The following LYN variants were observed in gnomAD, a reference collection of about 807,000 sequenced individuals.
LYN encodes the protein LYN proto-oncogene, Src family tyrosine kinase, also known as tyrosine-protein kinase Lyn.
In LYN, 12 loss-of-function variants were observed where a neutral mutation model predicts 65.0. The observed-to-expected ratio is 0.18, with a 90% CI of 0.12 to 0.30. LYN has a LOEUF of 0.30. Among genes scored for constraint, LYN ranks in the 10% least tolerant of loss-of-function variants. The pLI is 1.00. For missense variants in LYN, 380 were observed against 623.2 expected (o/e 0.61, Z 4.16); for synonymous variants, 222 against 221.2 (o/e 1.00, Z -0.03).
chr8:55,965,988 G>A (rs1807444371), intron 8 of LYN, among the ~76,000 whole-genome samples: 1 of 152,082 alleles, frequency 6.6e-6, no homozygotes, highest in Non-Finnish European at 1.5e-5. Flanking sequence ...AGCCAGGTGT[G>A]GTGGTGGGCA....
In LYN at chr8:56,013,568, G is replaced by C. The variant is rs1217470458; in HGVS notation, c.*3458G>C. The C allele has an allele frequency of 6.6e-6, 1 of 152,250 alleles. No individual in the cohort carries two copies. The highest frequency in any genetic ancestry group is 1.5e-5 in the Non-Finnish European group (1 of 68,114). The allele number at this position is 152,250 out of a possible 1,614,324, so 9.4% of individuals were successfully genotyped here. A position where few individuals can be genotyped will look rare whatever the true frequency, so the allele number is the denominator to read the frequency against. ...TTACAAGTGTGAGCCACTGTGCCCG[G>C]TCGGGGTCTGCTTTCTCTTTATTCC... On this transcript the variant is annotated 3_prime_UTR_variant, in exon 13 of 13. Transcript: ENST00000519728.
intron 1 of LYN, among the ~76,000 whole-genome samples, chr8:55,891,312 A>G (rs2130362663): frequency 6.6e-6 from 1 of 151,744 alleles, no homozygotes; most frequent in East Asian, 2.0e-4. Context: ...AGATCCCGCG[A>G]CTGCACTCCA....
intron 1 of LYN, among the ~76,000 whole-genome samples, chr8:55,893,398 G>A (rs1805008399): frequency 6.6e-6 from 1 of 152,202 alleles, no homozygotes. Context: ...TCTGTGCATA[G>A]GCATTTGAAA....
intron 12 of LYN, among the ~76,000 whole-genome samples, chr8:56,003,071 T>C (rs1318907033): frequency 6.6e-6 from 1 of 151,668 alleles, no homozygotes; most frequent in Admixed American, 6.6e-5. Context: ...TGTTTTTTTT[T>C]TTTTTTGAGA....
intron 1 of LYN, among the ~76,000 whole-genome samples, chr8:55,886,104 G>A (rs1034382750): frequency 2.0e-5 from 3 of 152,094 alleles, no homozygotes; most frequent in African/African-American, 7.2e-5. Flanking sequence ...TGAAACTCTT[G>A]GGTAGACGTT....
At chr8:55,925,341 T>G (rs932187921) in intron 1 of LYN, among the ~76,000 whole-genome samples, 1 of 152,112 alleles carries the variant, frequency 6.6e-6, no homozygotes, top group African/African-American at 2.4e-5. Flanking sequence ...CCCAGGCTGG[T>G]CTCGTACTCC....
chr8:55,966,860 G>T lies in LYN; in HGVS notation c.936G>T (p.Glu312Asp). The T allele has an allele frequency of 6.2e-7, 1 of 1,614,042 alleles. No homozygotes were observed. The highest frequency in any genetic ancestry group is 8.5e-7 in the Non-Finnish European group (1 of 1,179,984). The stretch of plus-strand genomic sequence containing the variant: ...GGCTCTACGCTGTGGTCACCAGGGA[G>T]GAGCCCATTTACATCATCACCGAGT... Reference protein sequence around the residue: ...LVRLYAVVTREEPIYIITEYM... With the variant: ...LVRLYAVVTRDEPIYIITEYM... Residue 312 changes from glutamate (E) to aspartate (D), a missense_variant, in exon 9 of 13, where the codon GAG becomes GAT. By Grantham distance (45) the Glu-to-Asp change is conservative. This residue lies in a region of LYN where 223 missense variants were observed against 430.0 expected (regional missense o/e 0.52). Transcript: ENST00000519728.
At chr8:55,890,776 A>G (rs11993738) in intron 1 of LYN, among the ~76,000 whole-genome samples, 58,329 of 149,648 alleles carry the variant, frequency 0.39, 12,023 homozygotes, top group East Asian at 0.67. Flanking sequence ...CACCCGGGCT[A>G]GAGTGTGGTG....
intron 10 of LYN, among the ~76,000 whole-genome samples, chr8:55,987,764 G>GAGTC (rs1808121935): frequency 6.6e-6 from 1 of 152,152 alleles, no homozygotes; most frequent in African/African-American, 2.4e-5. Context: ...GAATGCTTAA[G>GAGTC]AGCACAGACT....
chr8:56,005,237 C>T (rs1563331682), intron 12 of LYN, among the ~76,000 whole-genome samples: 2 of 152,164 alleles, frequency 1.3e-5, no homozygotes, highest in Non-Finnish European at 2.9e-5. Context: ...ACAGTTTTGC[C>T]CTAATGTCTG....
At chr8:55,999,646 G>T in intron 12 of LYN, 97 bp downstream of exon 12, 2 of 1,219,498 alleles carry the variant, frequency 1.6e-6, no homozygotes, top group Non-Finnish European at 2.4e-6. Context: ...TCATCTACCC[G>T]ATAGCAAAGA....
intron 1 of LYN, among the ~76,000 whole-genome samples, chr8:55,935,503 G>A (rs1262944281): frequency 6.6e-6 from 1 of 152,222 alleles, no homozygotes; most frequent in Non-Finnish European, 1.5e-5. Context: ...GCTGGGTGCA[G>A]TGGCTCACGC....
intron 1 of LYN, among the ~76,000 whole-genome samples, chr8:55,887,600 A>ACACACACACACACACACACACACG (rs1804837722): frequency 9.0e-6 from 1 of 111,426 alleles, no homozygotes; most frequent in Non-Finnish European, 1.9e-5. Context: ...ACACACACAC[A>ACACACACACACACACACACACACG]CACATATATA....
At chr8:55,968,463 G>A (rs1427001022) in intron 9 of LYN, among the ~76,000 whole-genome samples, 2 of 152,092 alleles carry the variant, frequency 1.3e-5, no homozygotes, top group African/African-American at 2.4e-5. Context: ...CACCATGTTG[G>A]CCAGGCTGGT....
In LYN at chr8:55,943,258, G is replaced by A. The variant is rs180816686; in HGVS notation, c.132+1267G>A. Reference sequence around the variant, plus strand: ...AGCCTGCTTTCTATGGAATTCTGCAGCATTTAAGCTGGAAACAGTTTATTC... The same window carrying A: ...AGCCTGCTTTCTATGGAATTCTGCAACATTTAAGCTGGAAACAGTTTATTC... On this transcript the variant is annotated intron_variant, in intron 2 of 12. Transcript: ENST00000519728. Among the ~76,000 whole-genome samples, 6 of 152,222 alleles carry A rather than the reference G, an allele frequency of 3.9e-5. No homozygotes were observed. The East Asian group carries it at 1.2e-3, about 29-fold the overall frequency.
intron 3 of LYN, among the ~76,000 whole-genome samples, chr8:55,946,827 G>T (rs1170638002): frequency 6.6e-6 from 1 of 152,140 alleles, no homozygotes; most frequent in East Asian, 1.9e-4. Flanking sequence ...CCTAGAAGTG[G>T]AATCATACAG....
chr8:55,887,869 C>T (rs967902943), intron 1 of LYN, among the ~76,000 whole-genome samples: 5 of 152,038 alleles, frequency 3.3e-5, no homozygotes, highest in African/African-American at 1.2e-4. Context: ...CTCAGCCTCC[C>T]GAAATCCGGG....
chr8:55,957,969 C>T (rs2130506512), intron 8 of LYN, among the ~76,000 whole-genome samples: 1 of 152,208 alleles, frequency 6.6e-6, no homozygotes, highest in Non-Finnish European at 1.5e-5. Context: ...AATAAATATG[C>T]AGTTGCTGCC....
In LYN at chr8:56,011,049, A is replaced by G. The variant is rs768499390; in HGVS notation, c.*939A>G. ...CCTTTGTTGCTTCAAATATTTGAAC[A>G]TTATGTTAAAGATCAAGTATTAATT... On this transcript the variant is annotated 3_prime_UTR_variant, in exon 13 of 13. Transcript: ENST00000519728. The G allele has an allele frequency of 1.7e-5, 4 of 231,952 alleles. No individual in the cohort carries two copies. The highest frequency in any genetic ancestry group is 3.4e-5 in the Non-Finnish European group (4 of 117,402). The allele number at this position is 231,952 out of a possible 1,614,324, so 14.4% of individuals were successfully genotyped here. A position where few individuals can be genotyped will look rare whatever the true frequency, so the allele number is the denominator to read the frequency against.
Sources: gnomAD v4.1 joint callset for allele counts (sites outside exome capture counted in the v4.1 genomes callset) on GRCh38, gnomAD v4.1.1 for gene constraint, gnomAD v4.1.1 regional missense constraint, MANE v1.5 for transcripts, NCBI Gene and HGNC (gene_info 2026-07-23, HGNC 2026-07-21) for gene names.